SKP2: variants seen among roughly 807,000 people sequenced by gnomAD.
The protein encoded by SKP2 is S-phase kinase-associated protein 2.
A neutral mutation model predicts 51.8 loss-of-function variants in SKP2; 16 were observed. The ratio of observed to expected loss-of-function variants is 0.31; its 90% CI spans 0.21 to 0.47. The LOEUF is 0.47. Ranked by LOEUF, SKP2 falls within the 20% of genes least tolerant of loss-of-function variation. The probability of loss-of-function intolerance (pLI) is 1.00; values close to 1 mark genes in which losing one functional copy is unlikely to be tolerated. For missense variants in SKP2, 377 were observed against 505.3 expected (o/e 0.75, Z 2.43); for synonymous variants, 176 against 198.6 (o/e 0.89, Z 0.96).
At chr5:36,185,678 A>C (rs1484908267), downstream of SKP2, among the ~76,000 whole-genome samples, 1 of 152,208 alleles carries the variant, frequency 6.6e-6, no homozygotes, top group African/African-American at 2.4e-5. Flanking sequence ...GTTTGAAGTC[A>C]GGTAGCATGA....
At chr5:36,167,800 A>G (rs1338169387) in intron 4 of SKP2, among the ~76,000 whole-genome samples, 1 of 152,068 alleles carries the variant, frequency 6.6e-6, no homozygotes, top group Non-Finnish European at 1.5e-5. Flanking sequence ...TTGTATTTTT[A>G]GTAGAGACTG....
At chr5:36,175,577 A>G (rs1745606386) in intron 7 of SKP2, among the ~76,000 whole-genome samples, 1 of 151,730 alleles carries the variant, frequency 6.6e-6, no homozygotes, top group Admixed American at 6.6e-5. Context: ...ACACCCTTGA[A>G]TACTGCAGTT....
chr5:36,152,850 T>C lies in SKP2; in HGVS notation c.88T>C (p.Ser30Pro). Residue 30 changes from serine (S) to proline (P), a missense_variant, in exon 2 of 10, where the codon TCT becomes CCT. By Grantham distance (74) the Ser-to-Pro change is moderately conservative (BLOSUM62 -1). Coordinates refer to ENST00000274255, the MANE Select transcript of SKP2 (RefSeq NM_005983.4). ...GTGGGGATGGGATTCCAGCAAGACT[T>C]CTGAACTGCTGTCAGGCATGGGGGT... is the stretch of plus-strand genomic sequence containing the variant. ...FTWGWDSSKT[S>P]ELLSGMGVSA... The C allele has an allele frequency of 6.2e-7, 1 of 1,614,076 alleles. No homozygotes were observed. The highest frequency in any genetic ancestry group is 8.5e-7 in the Non-Finnish European group (1 of 1,180,024).
downstream of SKP2, among the ~76,000 whole-genome samples, chr5:36,187,947 A>G (rs563327778): frequency 6.6e-6 from 1 of 152,200 alleles, no homozygotes; most frequent in Non-Finnish European, 1.5e-5. Context: ...TATTTAGGAT[A>G]GTTAGCTCTT....
chr5:36,184,597 A>C (rs979203697), downstream of SKP2, among the ~76,000 whole-genome samples: 3 of 152,016 alleles, frequency 2.0e-5, no homozygotes, highest in Non-Finnish European at 2.9e-5. Context: ...TGAACTCATC[A>C]TTTTTTATGG....
intron 2 of SKP2, 95 bp downstream of exon 2, chr5:36,153,137 C>CT: frequency 8.1e-7 from 1 of 1,236,836 alleles, no homozygotes; most frequent in Non-Finnish European, 1.1e-6. Context: ...GCATGGGTTC[C>CT]TTTTAAGATT....
In SKP2 at chr5:36,155,467, A is replaced by C. The variant is rs570084656; in HGVS notation, c.280+2425A>C. 9.7e-4 allele frequency among the ~76,000 whole-genome samples: 147 copies of C among 152,312 alleles called. No homozygotes were observed. In the Middle Eastern group the frequency reaches 0.01, roughly 11 times the overall value. ...AGTGCTGTAATAATACCCACTTCACAGGTCGTCGTGAAGATTAAATGAGAA... is the reference window on the plus strand; with the variant it reads ...AGTGCTGTAATAATACCCACTTCACCGGTCGTCGTGAAGATTAAATGAGAA... On this transcript the variant is annotated intron_variant, in intron 2 of 9. Transcript: ENST00000274255.
chr5:36,152,398 T>A lies in SKP2; in HGVS notation c.8+128T>A, dbSNP rs547884565. On this transcript the variant is annotated intron_variant, in intron 1 of 9. Transcript: ENST00000274255. The stretch of plus-strand genomic sequence containing the variant: ...AAGTGAATGGTTGCTTAGCCCCTTC[T>A]TGGGGAAAGTGTGAATGGATGGATG... 3 of 935,794 alleles carry A rather than the reference T, an allele frequency of 3.2e-6. No homozygotes were observed. In the South Asian group the frequency reaches 4.2e-5, roughly 13 times the overall value. The allele number at this position is 935,794 out of a possible 1,614,324, so 58.0% of individuals were successfully genotyped here.
intron 9 of SKP2, among the ~76,000 whole-genome samples, chr5:36,178,411 C>T (rs1366507954): frequency 6.6e-6 from 1 of 152,144 alleles, no homozygotes; most frequent in Non-Finnish European, 1.5e-5. Context: ...GGAAATCTGG[C>T]AGCTACGCAT....
chr5:36,182,184 A>C lies in SKP2; in HGVS notation c.*153A>C, dbSNP rs1745833034. The C allele has an allele frequency of 1.4e-6, 2 of 1,421,284 alleles. No individual in the cohort carries two copies. Among genetic ancestry groups the C allele is most frequent in the East Asian group, 2.5e-5 (1 of 39,770 alleles). 88.0% of individuals were successfully genotyped at this position (1,421,284 alleles called of 1,614,324 possible). A position where few individuals can be genotyped will look rare whatever the true frequency, so the allele number is the denominator to read the frequency against. ...GAGCCATTTGAGAGGGAAAACTATG[A>C]AATCTTGCTTTTTGAAATGATTCTA... On this transcript the variant is annotated 3_prime_UTR_variant, in exon 10 of 10. Transcript: ENST00000274255.
intron 3 of SKP2, among the ~76,000 whole-genome samples, chr5:36,164,012 T>C (rs1176799872): frequency 1.3e-5 from 2 of 152,164 alleles, no homozygotes; most frequent in Non-Finnish European, 2.9e-5. Flanking sequence ...GGATGCTGAC[T>C]GTAGGCCAGG....
intron 5 of SKP2, among the ~76,000 whole-genome samples, 197 bp downstream of exon 5, chr5:36,168,644 C>G (rs1008653935): frequency 2.6e-5 from 4 of 152,168 alleles, no homozygotes; most frequent in Admixed American, 2.0e-4. Context: ...ATGCCAGGCC[C>G]TGTGCTAGGT....
Position 36,168,319 on chromosome 5 carries a change from T to G in SKP2, c.543T>G (p.Phe181Leu). 6.2e-7 allele frequency: 1 copy of G among 1,613,982 alleles called. No individual in the cohort carries two copies. Among genetic ancestry groups the G allele is most frequent in the Non-Finnish European group, 8.5e-7 (1 of 1,179,928 alleles). The change falls in exon 5 of 10, where the codon TTT (phenylalanine) becomes TTG (leucine). Residue 181 changes from phenylalanine (F) to leucine (L), a missense_variant. By Grantham distance (22) the Phe-to-Leu change is conservative. Coordinates refer to ENST00000274255, the MANE Select transcript of SKP2 (RefSeq NM_005983.4). ...DQPLAEHFSP[F>L]RVQHMDLSNS... Reference sequence around the variant, plus strand: ...TTTTTCTCTCCGTGTTTAGCCCTTTTCGTGTACAGCACATGGACCTATCGA... The same window carrying G: ...TTTTTCTCTCCGTGTTTAGCCCTTTGCGTGTACAGCACATGGACCTATCGA...
chr5:36,172,854 TTAGC>T (rs1745517841), intron 7 of SKP2, among the ~76,000 whole-genome samples: 1 of 152,142 alleles, frequency 6.6e-6, no homozygotes, highest in Non-Finnish European at 1.5e-5. Context: ...AACACTTTCT[TTAGC>T]AAGCTGTAAA....
chr5:36,157,915 A>G (rs1307496073), intron 2 of SKP2, among the ~76,000 whole-genome samples: 1 of 152,218 alleles, frequency 6.6e-6, no homozygotes, highest in Non-Finnish European at 1.5e-5. Context: ...GCAAAGATGG[A>G]ATGCATAGAA....
At chr5:36,178,025 T>C (rs568989227) in intron 9 of SKP2, among the ~76,000 whole-genome samples, 1 of 152,280 alleles carries the variant, frequency 6.6e-6, no homozygotes, top group Admixed American at 6.5e-5. Context: ...CCATCTTTCC[T>C]TTGGGAAACA....
At chr5:36,171,246 G>A (rs993203540) in intron 6 of SKP2, among the ~76,000 whole-genome samples, 39 of 152,176 alleles carry the variant, frequency 2.6e-4, no homozygotes, top group Admixed American at 2.5e-3. Flanking sequence ...CATCAATTGC[G>A]TAAAACATCC....
chr5:36,192,656 A>T (rs1472080241), exon 7 of SKP2: 3 of 152,198 alleles, frequency 2.0e-5, no homozygotes, highest in South Asian at 4.1e-4. Flanking sequence ...AGTATCAAAA[A>T]TATTAAGTCA....
intron 4 of SKP2, 33 bp downstream of exon 4, chr5:36,166,695 T>C (rs1745298368): frequency 7.0e-6 from 11 of 1,581,734 alleles, no homozygotes; most frequent in Non-Finnish European, 9.5e-6. Context: ...AAAGACTATT[T>C]CTAAATTTCG....
Sources: allele counts gnomAD v4.1 joint callset (sites outside exome capture counted in the v4.1 genomes callset), GRCh38; gene constraint gnomAD v4.1.1; transcripts MANE v1.5; gene names NCBI Gene and HGNC (gene_info 2026-07-23, HGNC 2026-07-21).